The following LYPLAL1 variants were observed in gnomAD, a reference collection of about 807,000 sequenced individuals.
LYPLAL1 encodes lysophospholipase like 1, also known as lysophospholipase-like protein 1.
In LYPLAL1, 23 loss-of-function variants were observed where a neutral mutation model predicts 19.7. The ratio of observed to expected loss-of-function variants is 1.17; its 90% CI spans 0.84 to 1.65. The LOEUF (loss-of-function observed/expected upper bound fraction) is 1.65. Among genes scored for constraint, LYPLAL1 ranks in the 40% most tolerant of loss-of-function variants. The probability of loss-of-function intolerance (pLI) is 0.00; values close to 1 mark genes in which losing one functional copy is unlikely to be tolerated. For missense variants in LYPLAL1, 355 were observed against 279.4 expected (o/e 1.27, Z -1.93); for synonymous variants, 119 against 96.3 (o/e 1.24, Z -1.38).
chr1:219,416,572 T>C, the LYPLAL1 span, among the ~76,000 whole-genome samples: 1 of 152,164 alleles, frequency 6.6e-6, no homozygotes, highest in East Asian at 1.9e-4. Context: ...TGCAACTCTA[T>C]TTATACTCAT....
At chr1:219,399,171 C>T in the LYPLAL1 span, among the ~76,000 whole-genome samples, 12 of 151,886 alleles carry the variant, frequency 7.9e-5, no homozygotes, top group African/African-American at 1.9e-4. Context: ...TGAGCTGGGG[C>T]GGGGGGGCCT....
chr1:219,422,114 G>A, the LYPLAL1 span, among the ~76,000 whole-genome samples: 1 of 152,166 alleles, frequency 6.6e-6, no homozygotes, highest in African/African-American at 2.4e-5. Flanking sequence ...TTGGAAAATA[G>A]TTATTAGTAC....
chr1:219,433,459 G>A, the LYPLAL1 span, among the ~76,000 whole-genome samples: 2 of 152,142 alleles, frequency 1.3e-5, no homozygotes, highest in African/African-American at 2.4e-5. Context: ...GATATTACAC[G>A]TTGGCATATT....
At chr1:219,359,857 A>G in the LYPLAL1 span, among the ~76,000 whole-genome samples, 1 of 152,320 alleles carries the variant, frequency 6.6e-6, no homozygotes, top group Middle Eastern at 3.4e-3. Context: ...ACATAAAAAG[A>G]CTGGTTATGA....
At chr1:219,210,100 C>T (rs931780496) in intron 3 of LYPLAL1, among the ~76,000 whole-genome samples, 11 of 151,998 alleles carry the variant, frequency 7.2e-5, no homozygotes, top group African/African-American at 2.4e-4. Flanking sequence ...ATAGCAAACA[C>T]CAGATACATA....
the LYPLAL1 span, among the ~76,000 whole-genome samples, chr1:219,395,832 G>A: frequency 1.9e-4 from 29 of 152,026 alleles, no homozygotes; most frequent in South Asian, 1.7e-3. Context: ...GGCTGGATGC[G>A]GTGGCTCACA....
At chr1:219,428,824 G>A in the LYPLAL1 span, among the ~76,000 whole-genome samples, 2 of 151,850 alleles carry the variant, frequency 1.3e-5, no homozygotes, top group African/African-American at 4.8e-5. Context: ...TTGGCAGTAC[G>A]TTTTCATTTC....
chr1:219,340,831 C>T, the LYPLAL1 span, among the ~76,000 whole-genome samples: 13 of 152,168 alleles, frequency 8.5e-5, no homozygotes, highest in African/African-American at 3.1e-4. Context: ...ACAACTAGAA[C>T]TGAGGGCTTT....
At chr1:219,354,561 G>A in the LYPLAL1 span, among the ~76,000 whole-genome samples, 1 of 152,158 alleles carries the variant, frequency 6.6e-6, no homozygotes, top group Non-Finnish European at 1.5e-5. Context: ...CTAAAGCAAT[G>A]TATAACCAAA....
intron 3 of LYPLAL1, chr1:219,200,617 C>A: frequency 5.3e-6 from 1 of 188,778 alleles, no homozygotes. Flanking sequence ...CTTCAGTGCT[C>A]ACAAGATCTC....
chr1:219,402,435 C>T, the LYPLAL1 span, among the ~76,000 whole-genome samples: 1 of 151,960 alleles, frequency 6.6e-6, no homozygotes, highest in Admixed American at 6.6e-5. Flanking sequence ...TAAACATGAT[C>T]ATTTATATTT....
chr1:219,299,774 G>A, the LYPLAL1 span, among the ~76,000 whole-genome samples: 1 of 152,120 alleles, frequency 6.6e-6, no homozygotes, highest in African/African-American at 2.4e-5. Context: ...TGGCCTGAAG[G>A]GAAAATGTTA....
chr1:219,331,839 C>A, the LYPLAL1 span, among the ~76,000 whole-genome samples: 1 of 152,094 alleles, frequency 6.6e-6, no homozygotes, highest in East Asian at 1.9e-4. Flanking sequence ...TGAAGAAGGC[C>A]ACACAACATC....
chr1:219,413,611 A>C, the LYPLAL1 span, among the ~76,000 whole-genome samples: 3 of 152,160 alleles, frequency 2.0e-5, no homozygotes, highest in Non-Finnish European at 4.4e-5. Flanking sequence ...TGCTTGCACT[A>C]GGGAAAGTAA....
the LYPLAL1 span, among the ~76,000 whole-genome samples, chr1:219,241,052 ATATATC>A: frequency 1.4e-5 from 2 of 147,344 alleles, no homozygotes; most frequent in South Asian, 2.1e-4. Flanking sequence ...AAATATCTAT[ATATATC>A]TATATCTATC....
chr1:219,397,814 C>G, the LYPLAL1 span, among the ~76,000 whole-genome samples: 1 of 152,194 alleles, frequency 6.6e-6, no homozygotes, highest in African/African-American at 2.4e-5. Context: ...GCTTATGAAT[C>G]TTAGTTTGGC....
At chr1:219,234,996 ATTAT>A in the LYPLAL1 span, among the ~76,000 whole-genome samples, 1 of 152,218 alleles carries the variant, frequency 6.6e-6, no homozygotes, top group Non-Finnish European at 1.5e-5. Flanking sequence ...GCCACTTAAA[ATTAT>A]TACTAAAGTA....
At chr1:219,239,948 G>T in the LYPLAL1 span, among the ~76,000 whole-genome samples, 12 of 152,128 alleles carry the variant, frequency 7.9e-5, no homozygotes, top group African/African-American at 2.9e-4. Flanking sequence ...TTTTACCTAG[G>T]GTGAAGAAAA....
the LYPLAL1 span, among the ~76,000 whole-genome samples, chr1:219,275,015 A>G: frequency 1.3e-5 from 2 of 152,184 alleles, no homozygotes; most frequent in African/African-American, 2.4e-5. Context: ...AGTCTGATGA[A>G]AATCTTGACA....
Sources: allele counts gnomAD v4.1 joint callset (sites outside exome capture counted in the v4.1 genomes callset), GRCh38; gene constraint gnomAD v4.1.1; transcripts MANE v1.5; gene names NCBI Gene and HGNC (gene_info 2026-07-23, HGNC 2026-07-21).